PPARGC1A: variants seen among roughly 807,000 people sequenced by gnomAD.
PPARGC1A encodes PPARG coactivator 1 alpha.
PPARGC1A carries 25 observed loss-of-function variants against 88.7 expected under a neutral mutation model. The observed-to-expected ratio is 0.28, with a 90% CI of 0.21 to 0.39. PPARGC1A has a LOEUF of 0.39. Ranked by LOEUF, PPARGC1A falls within the 10% of genes least tolerant of loss-of-function variation. The pLI is 1.00. For missense variants in PPARGC1A, 880 were observed against 968.7 expected, an observed-to-expected ratio of 0.91 and a Z score of 1.22; for synonymous variants, 363 against 355.6, an observed-to-expected ratio of 1.02 and a Z score of -0.24.
At chr4:24,275,543 A>G in the PPARGC1A span, among the ~76,000 whole-genome samples, 1 of 152,256 alleles carries the variant, frequency 6.6e-6, no homozygotes, top group East Asian at 1.9e-4. Context: ...TGCTAGGGAC[A>G]GGTATGAGCA....
chr4:24,271,219 A>C, the PPARGC1A span, among the ~76,000 whole-genome samples: 348 of 152,252 alleles, frequency 2.3e-3, 2 homozygotes, highest in African/African-American at 7.8e-3. Flanking sequence ...GCATCATGGG[A>C]ACTGGCAGCC....
At chr4:24,462,419 T>C in the PPARGC1A span, among the ~76,000 whole-genome samples, 1 of 151,974 alleles carries the variant, frequency 6.6e-6, no homozygotes, top group Non-Finnish European at 1.5e-5. Context: ...TTGTCCTTGA[T>C]GCTCCTCTCT....
chr4:24,164,757 G>A, the PPARGC1A span, among the ~76,000 whole-genome samples: 2 of 152,178 alleles, frequency 1.3e-5, no homozygotes, highest in Non-Finnish European at 2.9e-5. Flanking sequence ...AAGTATGACT[G>A]AGTCTTTGCT....
At chr4:24,068,461 A>G in the PPARGC1A span, among the ~76,000 whole-genome samples, 1 of 152,184 alleles carries the variant, frequency 6.6e-6, no homozygotes, top group African/African-American at 2.4e-5. Context: ...CAGTGAGGGC[A>G]GGATGCACAT....
At chr4:24,137,231 C>T in the PPARGC1A span, among the ~76,000 whole-genome samples, 1 of 151,972 alleles carries the variant, frequency 6.6e-6, no homozygotes, top group South Asian at 2.1e-4. Context: ...AGAAGGATGG[C>T]CATGGGAAGA....
At chr4:23,836,952 C>A (rs961522582) in intron 2 of PPARGC1A, among the ~76,000 whole-genome samples, 1 of 152,118 alleles carries the variant, frequency 6.6e-6, no homozygotes, top group Non-Finnish European at 1.5e-5. Context: ...ATACTGCATG[C>A]GGTATCCCAA....
At chr4:23,872,434 C>G (rs189159671) in intron 2 of PPARGC1A, among the ~76,000 whole-genome samples, 4 of 152,170 alleles carry the variant, frequency 2.6e-5, no homozygotes, top group Admixed American at 1.3e-4. Flanking sequence ...GTCCCACTGC[C>G]CTGCATTTGT....
At chr4:24,220,790 C>T in the PPARGC1A span, among the ~76,000 whole-genome samples, 456 of 152,286 alleles carry the variant, frequency 3.0e-3, 3 homozygotes, top group African/African-American at 0.011. Context: ...ATTTCAGCTA[C>T]TGGATCATTA....
chr4:24,416,206 A>G, the PPARGC1A span, among the ~76,000 whole-genome samples: 1 of 152,210 alleles, frequency 6.6e-6, no homozygotes, highest in Non-Finnish European at 1.5e-5. Context: ...ACGGAAGCAC[A>G]ATGTCTTATG....
chr4:24,379,460 TTAGA>T, the PPARGC1A span, among the ~76,000 whole-genome samples: 96 of 152,098 alleles, frequency 6.3e-4, no homozygotes, highest in Non-Finnish European at 1.0e-3. Context: ...CACATAGAAA[TTAGA>T]TAAACAGGCA....
the PPARGC1A span, among the ~76,000 whole-genome samples, chr4:24,152,661 G>A: frequency 6.6e-6 from 1 of 152,128 alleles, no homozygotes; most frequent in Non-Finnish European, 1.5e-5. Context: ...CAATCACTAC[G>A]AACAGCATTT....
At chr4:24,079,374 GACT>G in the PPARGC1A span, among the ~76,000 whole-genome samples, 25 of 151,904 alleles carry the variant, frequency 1.6e-4, no homozygotes, top group Admixed American at 8.5e-4. Flanking sequence ...TGACAAATGT[GACT>G]ACATTTTTTT....
At chr4:24,223,395 A>T in the PPARGC1A span, among the ~76,000 whole-genome samples, 1 of 152,096 alleles carries the variant, frequency 6.6e-6, no homozygotes, top group East Asian at 1.9e-4. Flanking sequence ...GATTACAGGC[A>T]TCCGCAACCA....
chr4:24,027,213 GTGTGTCTGTGTGTC>G, the PPARGC1A span, among the ~76,000 whole-genome samples: 3 of 150,020 alleles, frequency 2.0e-5, no homozygotes, highest in Non-Finnish European at 3.0e-5. Flanking sequence ...GTGTGTGTGT[GTGTGTCTGTGTGTC>G]TGTGTGTGTC....
the PPARGC1A span, among the ~76,000 whole-genome samples, chr4:24,297,159 C>T: frequency 6.6e-6 from 1 of 152,144 alleles, no homozygotes; most frequent in Admixed American, 6.5e-5. Context: ...CAAATCAAGG[C>T]TTCTAATAAT....
the PPARGC1A span, among the ~76,000 whole-genome samples, chr4:23,952,502 C>G: frequency 1.3e-5 from 2 of 152,060 alleles, no homozygotes. Context: ...AACTTTACCC[C>G]CTACTGGACA....
the PPARGC1A span, among the ~76,000 whole-genome samples, chr4:24,058,088 C>T: frequency 6.6e-6 from 1 of 152,176 alleles, no homozygotes; most frequent in African/African-American, 2.4e-5. Context: ...ACTTTTGGAC[C>T]TTAAAAGCCA....
At chr4:24,017,514 A>G in the PPARGC1A span, among the ~76,000 whole-genome samples, 1 of 152,158 alleles carries the variant, frequency 6.6e-6, no homozygotes, top group Admixed American at 6.6e-5. Flanking sequence ...TTAAGCAAAC[A>G]GAGAGATAGC....
chr4:24,278,656 C>T, the PPARGC1A span, among the ~76,000 whole-genome samples: 2 of 152,330 alleles, frequency 1.3e-5, no homozygotes, highest in East Asian at 3.9e-4. Context: ...ACCTTCACCC[C>T]AACTCCTTCC....
Sources: allele counts gnomAD v4.1 joint callset (sites outside exome capture counted in the v4.1 genomes callset), GRCh38; gene constraint gnomAD v4.1.1; transcripts MANE v1.5; gene names NCBI Gene and HGNC (gene_info 2026-07-23, HGNC 2026-07-21).